EPB41: variants seen among roughly 807,000 people sequenced by gnomAD.
EPB41 encodes the protein protein 4.1.
A neutral mutation model predicts 108.0 loss-of-function variants in EPB41; 65 were observed. The observed-to-expected ratio is 0.60, with a 90% CI of 0.49 to 0.74. EPB41 has a LOEUF of 0.74. Ranked by LOEUF, EPB41 falls within the 30% of genes least tolerant of loss-of-function variation. The pLI is 0.00. For missense variants in EPB41, 875 were observed against 1,037.0 expected (o/e 0.84, Z 2.15); for synonymous variants, 336 against 358.9 (o/e 0.94, Z 0.72).
At chr1:29,103,760 C>G (rs1393761935) in intron 17 of EPB41, among the ~76,000 whole-genome samples, 1 of 152,102 alleles carries the variant, frequency 6.6e-6, no homozygotes. Flanking sequence ...CTCCACCTCC[C>G]AGGTTCAAGC....
chr1:29,063,039 C>T (rs1646814835), intron 15 of EPB41, among the ~76,000 whole-genome samples: 1 of 152,170 alleles, frequency 6.6e-6, no homozygotes, highest in Non-Finnish European at 1.5e-5. Flanking sequence ...CATAGCATCT[C>T]TTGCTTATTT....
intron 1 of EPB41, among the ~76,000 whole-genome samples, chr1:28,919,016 TAGAA>T (rs1272653436): frequency 2.0e-5 from 3 of 151,894 alleles, no homozygotes; most frequent in Non-Finnish European, 4.4e-5. Context: ...AATGAATACA[TAGAA>T]AGATAAAGAA....
chr1:28,988,041 T>C, intron 2 of EPB41, 136 bp downstream of exon 2: 1 of 875,974 alleles, frequency 1.1e-6, no homozygotes, highest in South Asian at 1.5e-5. Context: ...GGCAGGCGGA[T>C]CAACTGAGGT....
intron 4 of EPB41, among the ~76,000 whole-genome samples, chr1:29,009,838 G>A (rs1229713855): frequency 6.6e-6 from 1 of 152,022 alleles, no homozygotes; most frequent in African/African-American, 2.4e-5. Flanking sequence ...TGGTTTAATT[G>A]TGGTGGGAGT....
chr1:29,115,839 C>T lies in EPB41; in HGVS notation c.*6+36C>T, dbSNP rs750772842. 2.6e-6 allele frequency: 4 copies of T among 1,521,332 alleles called. No homozygotes were observed. The highest frequency in any genetic ancestry group is 1.7e-5 in the Admixed American group (1 of 59,758). 94.2% of individuals were successfully genotyped at this position (1,521,332 alleles called of 1,614,324 possible). A position where few individuals can be genotyped will look rare whatever the true frequency, so the allele number is the denominator to read the frequency against. ...TTCCTGCTGGGGCTGAGGGTGCCCA[C>T]AGTCCCAGCCTGAGAGGGCTCTGGA... On this transcript the variant is annotated intron_variant, in intron 20 of 20. Coordinates refer to ENST00000343067, the MANE Select transcript of EPB41 (RefSeq NM_001376013.1). The surrounding 1 kb of genome is among the most constrained non-coding windows in gnomAD (Gnocchi z 4.4).
At chr1:28,921,962 A>ATATATATATATATATATATT (rs2093123033) in intron 1 of EPB41, among the ~76,000 whole-genome samples, 1 of 102,066 alleles carries the variant, frequency 9.8e-6, no homozygotes, top group South Asian at 4.7e-4. Context: ...ATATATATAT[A>ATATATATATATATATATATT]CACTTTTTTT....
chr1:29,053,827 G>A (rs1644919780), intron 12 of EPB41: 1 of 155,468 alleles, frequency 6.4e-6, no homozygotes, highest in Admixed American at 6.3e-5. Flanking sequence ...CCAAAGTGCT[G>A]GGATTACAGG....
chr1:29,005,471 C>A (rs190974001), intron 4 of EPB41, among the ~76,000 whole-genome samples: 76 of 152,322 alleles, frequency 5.0e-4, no homozygotes, highest in Non-Finnish European at 6.9e-4. Flanking sequence ...GTAGTTGAAA[C>A]TTTATTAATC....
At chr1:29,032,126 G>T (rs2096798044) in intron 8 of EPB41, among the ~76,000 whole-genome samples, 1 of 150,602 alleles carries the variant, frequency 6.6e-6, no homozygotes, top group South Asian at 2.1e-4. Context: ...GAAAAAAGTT[G>T]TTCTGGATTA....
intron 16 of EPB41, chr1:29,072,499 T>C (rs978298879): frequency 4.0e-4 from 61 of 152,226 alleles, no homozygotes; most frequent in Admixed American, 3.9e-3. Flanking sequence ...TATTAATTAC[T>C]ATTGTAAACT....
chr1:29,009,135 T>C (rs576500297), intron 4 of EPB41, among the ~76,000 whole-genome samples: 30 of 149,576 alleles, frequency 2.0e-4, no homozygotes, highest in African/African-American at 6.9e-4. Flanking sequence ...TGCTAGTTTT[T>C]AATCCTTCTT....
In EPB41 at chr1:28,887,261, G is replaced by T. The variant is rs1485935453; in HGVS notation, c.-8+51G>T. ...ACCCTCGGTCCCCGGGAGGGACGGG[G>T]TTAGGGACAGAAGAACCTACCCCCA... On this transcript the variant is annotated intron_variant, in intron 1 of 16. Coordinates refer to the EPB41 transcript ENST00000347529. The surrounding 1 kb of genome is among the most constrained non-coding windows in gnomAD (Gnocchi z 4.9). 8 of 1,269,240 alleles carry T rather than the reference G, an allele frequency of 6.3e-6. No homozygotes were observed. The highest frequency in any genetic ancestry group is 8.2e-6 in the Non-Finnish European group (8 of 980,136). The allele number at this position is 1,269,240 out of a possible 1,614,324, so 78.6% of individuals were successfully genotyped here.
intron 1 of EPB41, among the ~76,000 whole-genome samples, chr1:28,916,678 A>G (rs1208322892): frequency 6.6e-6 from 1 of 152,162 alleles, no homozygotes; most frequent in African/African-American, 2.4e-5. Flanking sequence ...CAGAATGCCA[A>G]CCTTCTGATT....
intron 1 of EPB41, among the ~76,000 whole-genome samples, chr1:28,944,727 GT>G (rs1205637659): frequency 6.6e-6 from 1 of 151,372 alleles, no homozygotes; most frequent in African/African-American, 2.4e-5. Flanking sequence ...TAGAGAAGGG[GT>G]TTCACCATGT....
At chr1:28,933,672 G>A (rs931681355) in intron 1 of EPB41, among the ~76,000 whole-genome samples, 6 of 151,900 alleles carry the variant, frequency 3.9e-5, no homozygotes, top group African/African-American at 7.3e-5. Flanking sequence ...ATAGAGTATC[G>A]GCCAGGTGTT....
chr1:29,061,368 C>T (rs2150949973), intron 15 of EPB41, among the ~76,000 whole-genome samples: 1 of 152,132 alleles, frequency 6.6e-6, no homozygotes, highest in African/African-American at 2.4e-5. Flanking sequence ...TTCCCGGGTT[C>T]ACGCCATTCT....
At chr1:29,026,268 G>C (rs1308281094) in intron 7 of EPB41, among the ~76,000 whole-genome samples, 1 of 152,164 alleles carries the variant, frequency 6.6e-6, no homozygotes, top group Non-Finnish European at 1.5e-5. Context: ...CTCACTGTCA[G>C]TAAAGTGAGA....
chr1:29,102,262 A>G (rs1665676212), intron 17 of EPB41, among the ~76,000 whole-genome samples: 1 of 152,200 alleles, frequency 6.6e-6, no homozygotes, highest in Non-Finnish European at 1.5e-5. Context: ...GTGGCCTTTA[A>G]TAAAAGCTTC....
chr1:29,008,108 T>C (rs2149858896), intron 4 of EPB41, among the ~76,000 whole-genome samples: 1 of 152,308 alleles, frequency 6.6e-6, no homozygotes, highest in Non-Finnish European at 1.5e-5. Context: ...ATAACATGTG[T>C]TCCTTTCCCT....
Sources: gnomAD v4.1 joint callset for allele counts (sites outside exome capture counted in the v4.1 genomes callset) on GRCh38, gnomAD v4.1.1 for gene constraint, Gnocchi (gnomAD v3.1) non-coding constraint, MANE v1.5 for transcripts, NCBI Gene and HGNC (gene_info 2026-07-23, HGNC 2026-07-21) for gene names.